Variants in SHOC2 observed in about 807,000 individuals in gnomAD.
SHOC2 encodes leucine-rich repeat protein SHOC-2.
Under a neutral mutation model 50.2 loss-of-function variants are expected in SHOC2, and 4 were observed. The ratio of observed to expected loss-of-function variants is 0.08; its 90% confidence interval spans 0.04 to 0.18. The LOEUF is 0.18. Ranked by LOEUF, SHOC2 falls within the 10% of genes least tolerant of loss-of-function variation. SHOC2 has a pLI of 1.00. For missense variants in SHOC2, 388 were observed against 669.6 expected, an observed-to-expected ratio of 0.58 and a Z score of 4.64; for synonymous variants, 218 against 244.5, an observed-to-expected ratio of 0.89 and a Z score of 1.01.
intron 1 of SHOC2, among the ~76,000 whole-genome samples, chr10:110,941,826 C>T (rs183518884): frequency 4.1e-4 from 63 of 151,938 alleles, no homozygotes; most frequent in African/African-American, 1.4e-3. Context: ...TTTTTGCCTA[C>T]GAATTACTAG....
At position 111,009,264 on chromosome 10, in the gene SHOC2, A is replaced by T; in HGVS notation, c.1301A>T (p.Asn434Ile). 1 of 1,573,678 alleles carries T rather than the reference A, an allele frequency of 6.4e-7. No individual in the cohort carries two copies. Among genetic ancestry groups the T allele is most frequent in the Non-Finnish European group, 8.7e-7 (1 of 1,143,982 alleles). ...LVSLEVLILS[N>I]NLLKKLPHGL... ...TCTCATTAGGTTCTTATCTTATCAA[A>T]CAATCTTCTAAAGAAGCTTCCCCAT... The change falls in exon 7 of 9, where the codon AAC (asparagine) becomes ATC (isoleucine). Residue 434 changes from asparagine (N) to isoleucine (I), a missense_variant. Asn to Ile is a moderately radical substitution (Grantham distance 149). Coordinates refer to ENST00000369452, the MANE Select transcript of SHOC2 (RefSeq NM_007373.4).
At chr10:110,973,868 A>G (rs1228506121) in intron 2 of SHOC2, among the ~76,000 whole-genome samples, 1 of 151,128 alleles carries the variant, frequency 6.6e-6, no homozygotes, top group Non-Finnish European at 1.5e-5. Flanking sequence ...AATGTTCCAT[A>G]TATATATATA....
chr10:111,000,263 A>G, intron 3 of SHOC2, 152 bp from the exon 4 acceptor site: 1 of 657,590 alleles, frequency 1.5e-6, no homozygotes, highest in Non-Finnish European at 2.7e-6. Context: ...CCTAATTGAT[A>G]GTGTAGTGTG....
In SHOC2 at chr10:111,011,883, C is replaced by T. The variant is rs1169548041; in HGVS notation, c.*65C>T. ...TGCCATTAATGTTTCTTATCTATAT[C>T]TGTATCTATTTATGTAGATATTGGT... On this transcript the variant is annotated 3_prime_UTR_variant, in exon 9 of 9. Transcript: ENST00000369452. 3.9e-6 allele frequency: 5 copies of T among 1,266,154 alleles called. No individual in the cohort carries two copies. The highest frequency in any genetic ancestry group is 3.4e-5 in the Admixed American group (2 of 58,754). The allele number at this position is 1,266,154 out of a possible 1,614,324, so 78.4% of individuals were successfully genotyped here. A position where few individuals can be genotyped will look rare whatever the true frequency, so the allele number is the denominator to read the frequency against.
intron 1 of SHOC2, among the ~76,000 whole-genome samples, chr10:110,948,789 C>T (rs1200713182): frequency 6.6e-6 from 1 of 152,120 alleles, no homozygotes; most frequent in Non-Finnish European, 1.5e-5. Context: ...AGAAGATAAT[C>T]AAATGAACAA....
intron 1 of SHOC2, among the ~76,000 whole-genome samples, chr10:110,928,728 C>T (rs1846827270): frequency 1.3e-5 from 2 of 152,076 alleles, no homozygotes; most frequent in African/African-American, 4.8e-5. Flanking sequence ...AACCCCGTCT[C>T]TACCAAAAAT....
intron 1 of SHOC2, among the ~76,000 whole-genome samples, chr10:110,943,437 G>T (rs1847189394): frequency 6.6e-6 from 1 of 151,968 alleles, no homozygotes; most frequent in Non-Finnish European, 1.5e-5. Flanking sequence ...TTATATCTCT[G>T]TATTGATATT....
chr10:110,953,014 C>A (rs1449691331), intron 1 of SHOC2, among the ~76,000 whole-genome samples: 15 of 152,170 alleles, frequency 9.9e-5, no homozygotes, highest in Admixed American at 9.8e-4. Context: ...GTAAATAGTG[C>A]TGCAGTAAAC....
At chr10:110,977,425 A>G (rs937746910) in intron 2 of SHOC2, among the ~76,000 whole-genome samples, 1 of 152,072 alleles carries the variant, frequency 6.6e-6, no homozygotes, top group African/African-American at 2.4e-5. Context: ...TTGTGTTTTT[A>G]GTAGAGATGG....
intron 1 of SHOC2, among the ~76,000 whole-genome samples, chr10:110,938,083 A>G (rs1431313291): frequency 1.3e-5 from 2 of 152,178 alleles, no homozygotes; most frequent in African/African-American, 4.8e-5. Context: ...TGGTATTCTG[A>G]ATGGCATCTT....
intron 1 of SHOC2, among the ~76,000 whole-genome samples, chr10:110,962,671 T>G (rs892733692): frequency 2.0e-5 from 3 of 152,186 alleles, no homozygotes; most frequent in Non-Finnish European, 2.9e-5. Context: ...AGTGACACAT[T>G]TTCAGTGTCC....
intron 3 of SHOC2, among the ~76,000 whole-genome samples, chr10:110,988,425 G>A (rs1848121120): frequency 6.6e-6 from 1 of 151,982 alleles, no homozygotes; most frequent in Non-Finnish European, 1.5e-5. Context: ...AGCAAACTTG[G>A]TCATATGGGT....
chr10:110,996,504 G>C (rs1047794722), intron 3 of SHOC2, among the ~76,000 whole-genome samples: 1 of 151,728 alleles, frequency 6.6e-6, no homozygotes, highest in East Asian at 1.9e-4. Flanking sequence ...TTCCAGCATG[G>C]GCGACAGAGT....
At position 110,947,694 on chromosome 10, in the gene SHOC2, A is replaced by T. The variant is rs533809802; in HGVS notation, c.-234-16431A>T. Among the ~76,000 whole-genome samples, 6 of 151,996 alleles carry T rather than the reference A, an allele frequency of 3.9e-5. No homozygotes were observed. In the South Asian group the frequency reaches 1.2e-3, roughly 32 times the overall value. On this transcript the variant is annotated intron_variant, in intron 1 of 8. Coordinates refer to ENST00000369452, the MANE Select transcript of SHOC2 (RefSeq NM_007373.4). ...AACAACAGACTATTATAACTACAAG[A>T]TGTCTTATATACATTTCGTGGAGAA...
Position 111,000,464 on chromosome 10 carries a change from A to G in SHOC2, c.891A>G (p.Ser297=). 6.2e-7 allele frequency: 1 copy of G among 1,612,924 alleles called. No homozygotes were observed. The highest frequency in any genetic ancestry group is 8.5e-7 in the Non-Finnish European group (1 of 1,178,956). ...SRLGLRYNRL[S]AIPRSLAKCS... is the part of the protein sequence containing the mutation. ...TTGGTCTGAGATATAACAGACTGTC[A>G]GCAATACCCAGATCATTAGCAAAAT... The change falls in exon 4 of 9, where the codon TCA becomes TCG. Residue 297 remains serine, a synonymous_variant. Transcript: ENST00000369452.
chr10:111,004,380 A>G lies in SHOC2; in HGVS notation c.973-226A>G, dbSNP rs943302983. 2.6e-5 allele frequency among the ~76,000 whole-genome samples: 4 copies of G among 152,196 alleles called. No individual in the cohort carries two copies. In the East Asian group the frequency reaches 5.8e-4, roughly 22 times the overall value. ...TTGGGAAAATTTTCTGTTTCCTCCTATAAAATCTGGAAGTCTACATTGGTT... is the reference window on the plus strand; with the variant it reads ...TTGGGAAAATTTTCTGTTTCCTCCTGTAAAATCTGGAAGTCTACATTGGTT... On this transcript the variant is annotated intron_variant, in intron 4 of 8. Coordinates refer to ENST00000369452, the MANE Select transcript of SHOC2 (RefSeq NM_007373.4).
Position 110,964,111 on chromosome 10 carries a change from A to C in SHOC2, c.-234-14A>C. On this transcript the variant is annotated splice_polypyrimidine_tract_variant and intron_variant, in intron 1 of 8. Transcript: ENST00000369452. The surrounding 1 kb of genome is among the most constrained non-coding windows in gnomAD (Gnocchi z 4.9). ...TATCTAAAGTAATTTAATACTGTCT[A>C]TATTATATTTCAGGAACTCTAATGA... 3 of 556,566 alleles carry C rather than the reference A, an allele frequency of 5.4e-6. No homozygotes were observed. The highest frequency in any genetic ancestry group is 9.4e-6 in the Non-Finnish European group (3 of 320,560). The allele number at this position is 556,566 out of a possible 1,614,324, so 34.5% of individuals were successfully genotyped here. A position where few individuals can be genotyped will look rare whatever the true frequency, so the allele number is the denominator to read the frequency against.
At chr10:110,942,049 C>A (rs192169961) in intron 1 of SHOC2, among the ~76,000 whole-genome samples, 1 of 152,138 alleles carries the variant, frequency 6.6e-6, no homozygotes, top group Non-Finnish European at 1.5e-5. Context: ...TCATTCTCTG[C>A]TAAGACAAAA....
At chr10:110,974,389 G>A (rs192114502) in intron 2 of SHOC2, among the ~76,000 whole-genome samples, 2 of 151,828 alleles carry the variant, frequency 1.3e-5, no homozygotes, top group Admixed American at 6.6e-5. Context: ...ACTATATTCT[G>A]TTGTTTTTTG....
Sources: allele counts gnomAD v4.1 joint callset (sites outside exome capture counted in the v4.1 genomes callset), GRCh38; gene constraint gnomAD v4.1.1; non-coding constraint Gnocchi (gnomAD v3.1); transcripts MANE v1.5; gene names NCBI Gene and HGNC (gene_info 2026-07-23, HGNC 2026-07-21).